CLOCK: variants seen among roughly 807,000 people sequenced by gnomAD.
CLOCK encodes the protein clock circadian regulator.
Under a neutral mutation model 118.4 loss-of-function variants are expected in CLOCK, and 43 were observed. The ratio of observed to expected loss-of-function variants is 0.36; its 90% confidence interval spans 0.28 to 0.47. The LOEUF is 0.47. Ranked by LOEUF, CLOCK falls within the 20% of genes least tolerant of loss-of-function variation. The pLI, the probability that CLOCK is intolerant of heterozygous loss-of-function variation, is 1.00. For synonymous variants in CLOCK, 326 were observed against 339.2 expected, an observed-to-expected ratio of 0.96 and a Z score of 0.43; for missense variants, 846 against 999.9, an observed-to-expected ratio of 0.85 and a Z score of 2.08.
chr4:55,476,115 A>C lies in CLOCK; in HGVS notation c.257-61T>G. ...ACCACCGGAGGAGTACAAAAGCCCT[A>C]CAAGTTATCTTGTCTCTTCCCATTC... On this transcript the variant is annotated intron_variant, in intron 6 of 22. Transcript: ENST00000513440. 4 of 1,054,764 alleles carry C rather than the reference A, an allele frequency of 3.8e-6. No homozygotes were observed. The South Asian group carries it at 5.1e-5, about 13-fold the overall frequency. 65.3% of individuals were successfully genotyped at this position (1,054,764 alleles called of 1,614,324 possible).
Position 55,435,210 on chromosome 4 carries a change from A to G in CLOCK, c.*205T>C. On this transcript the variant is annotated 3_prime_UTR_variant, in exon 23 of 23. Transcript: ENST00000513440. Reference sequence around the variant, plus strand: ...CACTGTCAGAACTGGCTATGCCCCTATGATCACCTCCTGCTGGCTGGTATT... The same window carrying G: ...CACTGTCAGAACTGGCTATGCCCCTGTGATCACCTCCTGCTGGCTGGTATT... 3.3e-6 allele frequency: 2 copies of G among 609,146 alleles called. No homozygotes were observed. Among genetic ancestry groups the G allele is most frequent in the Non-Finnish European group, 2.9e-6 (1 of 343,180 alleles). 37.7% of individuals were successfully genotyped at this position (609,146 alleles called of 1,614,324 possible).
chr4:55,545,227 T>C (rs1200879710), intron 1 of CLOCK, among the ~76,000 whole-genome samples: 1 of 152,188 alleles, frequency 6.6e-6, no homozygotes, highest in Non-Finnish European at 1.5e-5. Context: ...CAAGACATTC[T>C]GTTCAGCCAA....
chr4:55,480,583 G>C (rs1299240431), intron 4 of CLOCK, among the ~76,000 whole-genome samples: 1 of 152,126 alleles, frequency 6.6e-6, no homozygotes, highest in African/African-American at 2.4e-5. Flanking sequence ...CTAGTAGATA[G>C]AAACAAGTAT....
chr4:55,446,101 CTTTTTTT>C (rs766235766), intron 18 of CLOCK, among the ~76,000 whole-genome samples: 1 of 107,372 alleles, frequency 9.3e-6, no homozygotes. Context: ...AATTTAACTT[CTTTTTTT>C]TTTTTTTTTT....
intron 2 of CLOCK, among the ~76,000 whole-genome samples, chr4:55,491,375 GAA>G (rs56412547): frequency 8.5e-5 from 12 of 141,956 alleles, no homozygotes; most frequent in African/African-American, 2.8e-4. Context: ...CAGTGAATAG[GAA>G]AAAAAAAAAA....
intron 1 of CLOCK, among the ~76,000 whole-genome samples, chr4:55,527,549 T>A (rs1448682129): frequency 6.6e-6 from 1 of 151,998 alleles, no homozygotes; most frequent in African/African-American, 2.4e-5. Flanking sequence ...TATATAGGCA[T>A]GACTGAAAAT....
chr4:55,450,784 T>G (rs1724371499), intron 15 of CLOCK, among the ~76,000 whole-genome samples: 1 of 151,226 alleles, frequency 6.6e-6, no homozygotes, highest in African/African-American at 2.4e-5. Flanking sequence ...AAAAAAAACA[T>G]TAACTCAAAA....
At chr4:55,514,089 T>C (rs1729329556) in intron 1 of CLOCK, among the ~76,000 whole-genome samples, 1 of 152,142 alleles carries the variant, frequency 6.6e-6, no homozygotes, top group Admixed American at 6.5e-5. Flanking sequence ...CCAATCAGTA[T>C]ACATTTCTTT....
chr4:55,450,878 C>T (rs11133383), intron 15 of CLOCK, among the ~76,000 whole-genome samples: 87,636 of 151,712 alleles, frequency 0.58, 27,019 homozygotes, highest in South Asian at 0.81. Context: ...TGAATGCCTG[C>T]GGTGCCAACT....
At chr4:55,453,974 TC>T (rs1724700457) in intron 13 of CLOCK, 150 bp from the exon 14 acceptor site, 1 of 645,830 alleles carries the variant, frequency 1.5e-6, no homozygotes, top group Non-Finnish European at 2.6e-6. Flanking sequence ...AAAATGTTAT[TC>T]TTTAGAGCTA....
chr4:55,441,108 G>C (rs576164405), intron 21 of CLOCK, among the ~76,000 whole-genome samples: 4 of 152,152 alleles, frequency 2.6e-5, no homozygotes, highest in Non-Finnish European at 5.9e-5. Context: ...CCTTGGGGAA[G>C]GAACGATGCC....
In CLOCK at chr4:55,450,095, A is replaced by G. The variant is rs1444410094; in HGVS notation, c.1344T>C (p.Pro448=). Residue 448 remains proline (P), a synonymous_variant, in exon 16 of 23, where the codon CCT becomes CCC. Coordinates refer to ENST00000513440, the MANE Select transcript of CLOCK (RefSeq NM_004898.4). ...RKSSHTAVSD[P]SSTPTKIPTD... is the part of the protein sequence containing the mutation. ...CTTTGAAGCAAGGGTACTCACAGGAAGGGTCTGAGACGGCCGTGTGAGATG... is the reference window on the plus strand; with the variant it reads ...CTTTGAAGCAAGGGTACTCACAGGAGGGGTCTGAGACGGCCGTGTGAGATG... The G allele has an allele frequency of 9.3e-6, 15 of 1,614,138 alleles. No individual in the cohort carries two copies. The highest frequency in any genetic ancestry group is 1.3e-5 in the Non-Finnish European group (15 of 1,179,996).
chr4:55,527,196 A>G (rs1730259760), intron 1 of CLOCK, among the ~76,000 whole-genome samples: 1 of 152,184 alleles, frequency 6.6e-6, no homozygotes. Flanking sequence ...ACTTTAAAAT[A>G]TTAACAGATA....
At chr4:55,523,016 C>T (rs1048926101) in intron 1 of CLOCK, among the ~76,000 whole-genome samples, 4 of 152,116 alleles carry the variant, frequency 2.6e-5, no homozygotes, top group Non-Finnish European at 5.9e-5. Context: ...AACGAACAGG[C>T]TGGGCGCAGT....
intron 1 of CLOCK, among the ~76,000 whole-genome samples, chr4:55,514,721 T>G (rs1729380177): frequency 6.6e-6 from 1 of 152,174 alleles, no homozygotes; most frequent in South Asian, 2.1e-4. Context: ...TTACATGCCT[T>G]GGATAAATCC....
At chr4:55,514,666 T>C (rs1026741397) in intron 1 of CLOCK, among the ~76,000 whole-genome samples, 6 of 152,306 alleles carry the variant, frequency 3.9e-5, no homozygotes, top group Admixed American at 6.5e-5. Flanking sequence ...GATATGATCA[T>C]ATGATTTGGT....
intron 18 of CLOCK, among the ~76,000 whole-genome samples, chr4:55,447,029 C>T (rs1439865867): frequency 1.3e-5 from 2 of 151,930 alleles, no homozygotes. Context: ...TACCTCAACT[C>T]CCTCAAGTTT....
At chr4:55,479,088 T>C (rs13102385) in intron 5 of CLOCK, 125 bp from the exon 6 acceptor site, 495,461 of 773,628 alleles carry the variant, frequency 0.64, 163,059 homozygotes, top group South Asian at 0.81. Context: ...ACAAATATCT[T>C]CCAGGTTACC....
intron 11 of CLOCK, among the ~76,000 whole-genome samples, chr4:55,456,787 T>C (rs901983987): frequency 4.6e-5 from 7 of 152,092 alleles, no homozygotes; most frequent in African/African-American, 1.7e-4. Context: ...CAAGCGATCC[T>C]CCTGCCTCAG....
Sources: gnomAD v4.1 joint callset for allele counts (sites outside exome capture counted in the v4.1 genomes callset) on GRCh38, gnomAD v4.1.1 for gene constraint, MANE v1.5 for transcripts, NCBI Gene and HGNC (gene_info 2026-07-23, HGNC 2026-07-21) for gene names.